Variants in ACSBG2 observed in about 807,000 individuals in gnomAD.
ACSBG2 encodes the protein long-chain-fatty-acid--CoA ligase ACSBG2.
ACSBG2 carries 62 observed loss-of-function variants against 74.7 expected under a neutral mutation model. The observed-to-expected ratio is 0.83, with a 90% CI of 0.68 to 1.03. The LOEUF (loss-of-function observed/expected upper bound fraction) is 1.03. Among genes scored for constraint, ACSBG2 ranks in the 50% least tolerant of loss-of-function variants. The pLI is 0.00. For missense variants in ACSBG2, 730 were observed against 817.6 expected (o/e 0.89, Z 1.31); for synonymous variants, 309 against 294.1 (o/e 1.05, Z -0.52).
intron 7 of ACSBG2, among the ~76,000 whole-genome samples, chr19:6,166,506 G>C (rs1256173959): frequency 2.0e-5 from 3 of 152,116 alleles, no homozygotes; most frequent in Non-Finnish European, 4.4e-5. Flanking sequence ...TAGAGACAGG[G>C]TTTCACCAAG....
chr19:6,154,310 A>C (rs758526995), intron 4 of ACSBG2, among the ~76,000 whole-genome samples: 2 of 150,790 alleles, frequency 1.3e-5, no homozygotes, highest in Admixed American at 1.3e-4. Context: ...AGGCAGGAGA[A>C]TCACTTGAAC....
rs2090301056 is a variant in ACSBG2 at position 6,182,934 on chromosome 19, T to A, written c.1088+2T>A. The A allele has an allele frequency of 4.3e-6, 7 of 1,613,804 alleles. No homozygotes were observed. The East Asian group carries it at 1.6e-4, about 36-fold the overall frequency. ...GGTCAACTCAAAAAAGATGTTGGGG[T>A]AGGTGGAGCATCCAGAGGGCTGGGA... is the stretch of plus-strand genomic sequence containing the variant. On this transcript the variant is annotated splice_donor_variant, in intron 9 of 14. Coordinates refer to ENST00000588485, the MANE Select transcript of ACSBG2 (RefSeq NM_030924.5). LOFTEE classifies it high-confidence loss of function.
chr19:6,155,940 A>C (rs1451515784), intron 4 of ACSBG2, among the ~76,000 whole-genome samples: 1 of 150,178 alleles, frequency 6.7e-6, no homozygotes, highest in African/African-American at 2.4e-5. Flanking sequence ...AAAAAAATTG[A>C]AAGGGGCAAA....
chr19:6,139,137 G>A (rs1246582874), intron 1 of ACSBG2, among the ~76,000 whole-genome samples: 1 of 151,342 alleles, frequency 6.6e-6, no homozygotes, highest in Non-Finnish European at 1.5e-5. Context: ...ACCCAGGCTG[G>A]AGTCCAATGG....
chr19:6,138,139 G>A (rs2088652587), intron 1 of ACSBG2, among the ~76,000 whole-genome samples: 1 of 152,166 alleles, frequency 6.6e-6, no homozygotes, highest in Admixed American at 6.6e-5. Context: ...GTTCTTTCAT[G>A]CATGAATCCT....
chr19:6,143,841 G>T (rs569801776), intron 2 of ACSBG2, among the ~76,000 whole-genome samples: 1 of 152,320 alleles, frequency 6.6e-6, no homozygotes, highest in African/African-American at 2.4e-5. Context: ...TTCCCTTGTT[G>T]TAAGTTGTTA....
chr19:6,168,237 G>A lies in ACSBG2; in HGVS notation c.738+2222G>A, dbSNP rs528872949. On this transcript the variant is annotated intron_variant, in intron 7 of 14. Transcript: ENST00000588485. Reference sequence around the variant, plus strand: ...GCTGTTCCTCCAACACACCAGACACGTCCTGCCTCTTGGTCTTTGCATGAG... The same window carrying A: ...GCTGTTCCTCCAACACACCAGACACATCCTGCCTCTTGGTCTTTGCATGAG... 6.6e-5 allele frequency among the ~76,000 whole-genome samples: 10 copies of A among 152,122 alleles called. No homozygotes were observed. In the South Asian group the frequency reaches 2.1e-3, roughly 32 times the overall value.
chr19:6,141,681 G>A (rs1248984052), intron 2 of ACSBG2, 71 bp downstream of exon 2: 106 of 1,033,502 alleles, frequency 1.0e-4, no homozygotes, highest in South Asian at 7.8e-4. Flanking sequence ...TTGCAGAGGA[G>A]TCTGGATCTA....
At chr19:6,182,321 T>C (rs1168040895) in intron 8 of ACSBG2, among the ~76,000 whole-genome samples, 1 of 152,180 alleles carries the variant, frequency 6.6e-6, no homozygotes, top group East Asian at 1.9e-4. Context: ...TTCCACTGCA[T>C]GCTTGGACCA....
chr19:6,176,163 C>T (rs2090081978), intron 7 of ACSBG2: 4 of 508,312 alleles, frequency 7.9e-6, no homozygotes, highest in Admixed American at 8.9e-5. Flanking sequence ...TTAAAAAAAC[C>T]GTTAGACCTA....
chr19:6,168,327 G>T (rs551127328), intron 7 of ACSBG2, among the ~76,000 whole-genome samples: 1 of 152,278 alleles, frequency 6.6e-6, no homozygotes, highest in East Asian at 1.9e-4. Context: ...TCTCTGCTCA[G>T]TGTCACTTCC....
In ACSBG2 at chr19:6,145,967, G is replaced by T. The variant is rs546988365; in HGVS notation, c.68-1479G>T. 7.1e-4 allele frequency among the ~76,000 whole-genome samples: 108 copies of T among 152,112 alleles called. 1 individual carries two copies. Among genetic ancestry groups the T allele is most frequent in the African/African-American group, 2.4e-3 (99 of 41,498 alleles). On this transcript the variant is annotated intron_variant, in intron 2 of 14. Transcript: ENST00000588485. ...TGGACGATGGGGAATTATGCACCGGGTCTTAAATCTTCTCCCCATGAACGA... is the reference window on the plus strand; with the variant it reads ...TGGACGATGGGGAATTATGCACCGGTTCTTAAATCTTCTCCCCATGAACGA...
intron 8 of ACSBG2, among the ~76,000 whole-genome samples, chr19:6,182,408 C>T (rs563241247): frequency 2.0e-5 from 3 of 152,170 alleles, no homozygotes; most frequent in South Asian, 2.1e-4. Flanking sequence ...TTGCAAAGAA[C>T]GTCTTGAACG....
At chr19:6,186,588 G>C (rs75667384) in intron 11 of ACSBG2, among the ~76,000 whole-genome samples, 9,993 of 152,236 alleles carry the variant, frequency 0.066, 534 homozygotes, top group African/African-American at 0.15. Context: ...TTGACTCAAC[G>C]TAACTGAAAA....
intron 5 of ACSBG2, among the ~76,000 whole-genome samples, chr19:6,158,345 C>T (rs539556635): frequency 9.3e-4 from 141 of 152,168 alleles, no homozygotes; most frequent in Non-Finnish European, 1.7e-3. Context: ...GCATGAGATA[C>T]TGCACCTGGC....
intron 7 of ACSBG2, among the ~76,000 whole-genome samples, chr19:6,166,748 G>A (rs1023349124): frequency 6.6e-6 from 1 of 151,800 alleles, no homozygotes; most frequent in Non-Finnish European, 1.5e-5. Flanking sequence ...AGCAATTCTC[G>A]TGCCTCAGCC....
chr19:6,162,137 G>A (rs1052723827), intron 6 of ACSBG2, among the ~76,000 whole-genome samples: 2 of 151,662 alleles, frequency 1.3e-5, no homozygotes, highest in Non-Finnish European at 2.9e-5. Context: ...ATGGTGGTAC[G>A]TGCCTGTAGT....
intron 6 of ACSBG2, among the ~76,000 whole-genome samples, chr19:6,165,202 G>C (rs768199933): frequency 2.6e-5 from 4 of 152,140 alleles, no homozygotes; most frequent in Admixed American, 6.6e-5. Flanking sequence ...TCTATTTCTT[G>C]GCTCCGCTCC....
intron 14 of ACSBG2, chr19:6,192,071 C>CAAAAAAAAAAAAAAAAAAAAAAAAAAAAA (rs397859531): frequency 1.6e-4 from 9 of 57,476 alleles, no homozygotes; most frequent in African/African-American, 6.0e-4. Context: ...AGCACAGCAC[C>CAAAAAAAAAAAAAAAAAAAAAAAAAAAAA]AAAAAAAAAA....
Sources: allele counts gnomAD v4.1 joint callset (sites outside exome capture counted in the v4.1 genomes callset), GRCh38; gene constraint gnomAD v4.1.1; transcripts MANE v1.5; gene names NCBI Gene and HGNC (gene_info 2026-07-23, HGNC 2026-07-21).